The following PLCB1 variants were observed in gnomAD, a reference collection of about 807,000 sequenced individuals.
PLCB1 encodes the protein phospholipase C beta 1.
A neutral mutation model predicts 161.8 loss-of-function variants in PLCB1; 46 were observed. The ratio of observed to expected loss-of-function variants is 0.28; its 90% CI spans 0.22 to 0.36. The LOEUF (loss-of-function observed/expected upper bound fraction) is 0.36, where lower values mean the gene tolerates loss of function less well. PLCB1 is among the 10% of genes least tolerant of loss of function. PLCB1 has a pLI of 1.00. For synonymous variants in PLCB1, 517 were observed against 503.7 expected, an observed-to-expected ratio of 1.03 and a Z score of -0.35; for missense variants, 1,016 against 1,472.5, an observed-to-expected ratio of 0.69 and a Z score of 5.07.
intron 31 of PLCB1, among the ~76,000 whole-genome samples, chr20:8,863,650 C>T (rs1265611755): frequency 6.6e-6 from 1 of 152,220 alleles, no homozygotes; most frequent in Non-Finnish European, 1.5e-5. Context: ...ACCGTACTTG[C>T]TCCTGCCCTA....
rs771084552 is a variant in PLCB1 at position 8,697,825 on chromosome 20, C to T, written c.1167+42C>T. On this transcript the variant is annotated intron_variant, in intron 11 of 31. Transcript: ENST00000338037. The stretch of plus-strand genomic sequence containing the variant: ...TTACTAAGAGAGGCAGCTGGAGACA[C>T]CTGATTCCTTTTGGTTAAAGCCTCC... 34 of 1,587,140 alleles carry T rather than the reference C, an allele frequency of 2.1e-5. No individual in the cohort carries two copies. The South Asian group carries it at 3.5e-4, about 16-fold the overall frequency.
At chr20:8,840,285 G>A (rs1043362999) in intron 31 of PLCB1, among the ~76,000 whole-genome samples, 3 of 152,074 alleles carry the variant, frequency 2.0e-5, no homozygotes, top group Admixed American at 2.0e-4. Flanking sequence ...CTAGAAATAG[G>A]GCAAGCTTCT....
At chr20:8,678,682 A>T (rs144618376) in intron 9 of PLCB1, among the ~76,000 whole-genome samples, 22 of 152,310 alleles carry the variant, frequency 1.4e-4, no homozygotes, top group African/African-American at 5.1e-4. Flanking sequence ...CACACACTGG[A>T]GACATTCAGC....
chr20:8,672,004 T>C (rs149172971), intron 9 of PLCB1, among the ~76,000 whole-genome samples: 1 of 152,372 alleles, frequency 6.6e-6, no homozygotes, highest in Non-Finnish European at 1.5e-5. Context: ...GTAGCTCCCA[T>C]TATTATGATA....
At chr20:8,274,135 A>C (rs1216882300) in intron 2 of PLCB1, among the ~76,000 whole-genome samples, 1 of 152,162 alleles carries the variant, frequency 6.6e-6, no homozygotes, top group Non-Finnish European at 1.5e-5. Flanking sequence ...ATTTGCTCTC[A>C]GTATTTTTTA....
chr20:8,420,567 C>T (rs553337393), intron 3 of PLCB1, among the ~76,000 whole-genome samples: 1 of 152,210 alleles, frequency 6.6e-6, no homozygotes, highest in South Asian at 2.1e-4. Flanking sequence ...TTACTGTTGC[C>T]ATCTTTGTGT....
chr20:8,808,561 A>T (rs1368312587), intron 31 of PLCB1, among the ~76,000 whole-genome samples: 1 of 152,222 alleles, frequency 6.6e-6, no homozygotes, highest in Non-Finnish European at 1.5e-5. Flanking sequence ...TAAAGGAAGT[A>T]TATCTCTCAC....
At chr20:8,143,434 T>C (rs1600194853) in intron 1 of PLCB1, among the ~76,000 whole-genome samples, 1 of 152,360 alleles carries the variant, frequency 6.6e-6, no homozygotes, top group East Asian at 1.9e-4. Flanking sequence ...AAAAATGTAC[T>C]GATGTCTCTT....
intron 3 of PLCB1, among the ~76,000 whole-genome samples, chr20:8,462,504 G>T (rs1362535256): frequency 6.6e-6 from 1 of 152,144 alleles, no homozygotes; most frequent in Non-Finnish European, 1.5e-5. Flanking sequence ...GTCTGCTTTT[G>T]TATATTCTTA....
At chr20:8,169,753 A>G (rs889781952) in intron 2 of PLCB1, among the ~76,000 whole-genome samples, 1 of 152,110 alleles carries the variant, frequency 6.6e-6, no homozygotes, top group Non-Finnish European at 1.5e-5. Context: ...CTGAATTCAG[A>G]GAGGACAGGG....
chr20:8,151,781 A>G (rs2051511366), intron 2 of PLCB1, among the ~76,000 whole-genome samples: 1 of 152,132 alleles, frequency 6.6e-6, no homozygotes, highest in Non-Finnish European at 1.5e-5. Flanking sequence ...GGGTATTTGT[A>G]CGAGAGACCA....
At chr20:8,261,058 G>A (rs1410713385) in intron 2 of PLCB1, among the ~76,000 whole-genome samples, 1 of 152,106 alleles carries the variant, frequency 6.6e-6, no homozygotes, top group East Asian at 1.9e-4. Flanking sequence ...CAAGGGATCG[G>A]GTGGGGACTA....
intron 2 of PLCB1, among the ~76,000 whole-genome samples, chr20:8,257,653 A>G (rs745596637): frequency 6.6e-6 from 1 of 152,190 alleles, no homozygotes; most frequent in Non-Finnish European, 1.5e-5. Flanking sequence ...GAAAGTCAGT[A>G]TGTGTGGAAT....
At chr20:8,635,336 C>A (rs1161474282) in intron 4 of PLCB1, among the ~76,000 whole-genome samples, 1 of 152,096 alleles carries the variant, frequency 6.6e-6, no homozygotes, top group East Asian at 1.9e-4. Flanking sequence ...GGCTTTTGAA[C>A]TCTTGAAAAT....
At chr20:8,739,235 A>G in intron 20 of PLCB1, 26 bp from the exon 21 acceptor site, 1 of 1,245,522 alleles carries the variant, frequency 8.0e-7, no homozygotes, top group Non-Finnish European at 1.2e-6. Context: ...TCTTATAACC[A>G]GGTGTGTCCT....
chr20:8,356,107 A>G (rs933073217), intron 2 of PLCB1, among the ~76,000 whole-genome samples: 6 of 152,128 alleles, frequency 3.9e-5, no homozygotes, highest in Admixed American at 6.6e-5. Flanking sequence ...TTAGTTATAT[A>G]TTTTGTTCAA....
chr20:8,667,676 C>G (rs1249995579), intron 9 of PLCB1, among the ~76,000 whole-genome samples: 2 of 152,154 alleles, frequency 1.3e-5, no homozygotes, highest in Non-Finnish European at 2.9e-5. Flanking sequence ...AGAAAATAAC[C>G]AGACAGGAAA....
intron 31 of PLCB1, among the ~76,000 whole-genome samples, chr20:8,848,333 A>G (rs976948327): frequency 1.3e-5 from 2 of 152,132 alleles, no homozygotes; most frequent in African/African-American, 4.8e-5. Context: ...AAGAGTTTTT[A>G]TAACTCAATC....
At chr20:8,518,180 CA>C (rs11341765) in intron 3 of PLCB1, among the ~76,000 whole-genome samples, 28,781 of 141,318 alleles carry the variant, frequency 0.2, 2,863 homozygotes, top group African/African-American at 0.25. Flanking sequence ...GACTCTGTCT[CA>C]AAAAAAAAAA....
Sources: gnomAD v4.1 joint callset for allele counts (sites outside exome capture counted in the v4.1 genomes callset) on GRCh38, gnomAD v4.1.1 for gene constraint, MANE v1.5 for transcripts, NCBI Gene and HGNC (gene_info 2026-07-23, HGNC 2026-07-21) for gene names.